FSTL5: variants seen among roughly 807,000 people sequenced by gnomAD.
The protein encoded by FSTL5 is follistatin like 5, also known as follistatin-related protein 5.
Under a neutral mutation model 89.1 loss-of-function variants are expected in FSTL5, and 62 were observed. That is an observed-to-expected ratio of 0.70 (90% CI 0.57 to 0.86). FSTL5 has a LOEUF of 0.86. Among genes scored for constraint, FSTL5 ranks in the 40% least tolerant of loss-of-function variants. The probability of loss-of-function intolerance (pLI) is 0.00; values close to 1 mark genes in which losing one functional copy is unlikely to be tolerated. For synonymous variants in FSTL5, 383 were observed against 346.2 expected (o/e 1.11, Z -1.18); for missense variants, 1,057 against 1,001.6 (o/e 1.06, Z -0.75).
rs542100574 is a variant in FSTL5, at chr4:161,507,762, A to G, written c.1339+2636T>C. ...ATTCAGTTAAATTTATTTAGATTAT[A>G]AACTCTTCACTAGATTCTGATGCTC... On this transcript the variant is annotated intron_variant, in intron 11 of 15. Coordinates refer to ENST00000306100, the MANE Select transcript of FSTL5 (RefSeq NM_020116.5). Among the ~76,000 whole-genome samples, 6 of 152,032 alleles carry G rather than the reference A, an allele frequency of 3.9e-5. No individual in the cohort carries two copies. In the South Asian group the frequency reaches 1.2e-3, roughly 31 times the overall value.
chr4:161,491,055 C>A (rs1411845557), intron 12 of FSTL5, among the ~76,000 whole-genome samples: 1 of 151,774 alleles, frequency 6.6e-6, no homozygotes, highest in African/African-American at 2.4e-5. Context: ...ACATTTATAA[C>A]TATATATTTA....
At chr4:162,098,818 C>T (rs1442581628) in intron 2 of FSTL5, among the ~76,000 whole-genome samples, 1 of 151,982 alleles carries the variant, frequency 6.6e-6, no homozygotes, top group African/African-American at 2.4e-5. Context: ...GCAATACAAT[C>T]GAGCAAAGAT....
At chr4:161,486,186 G>A (rs1309949817) in intron 12 of FSTL5, among the ~76,000 whole-genome samples, 2 of 150,598 alleles carry the variant, frequency 1.3e-5, no homozygotes, top group African/African-American at 4.9e-5. Flanking sequence ...GGTTCTCTGC[G>A]TAATTTGGAT....
chr4:161,837,273 C>G lies in FSTL5; in HGVS notation c.410-61199G>C, dbSNP rs359124. On this transcript the variant is annotated intron_variant, in intron 4 of 15. Transcript: ENST00000306100. ...AAACAATTAAAGAGAAAGAAGAGTCCATGAAATTGACTAACAAGAAATAGG... is the reference window on the plus strand; with the variant it reads ...AAACAATTAAAGAGAAAGAAGAGTCGATGAAATTGACTAACAAGAAATAGG... 2.4e-3 allele frequency among the ~76,000 whole-genome samples: 364 copies of G among 151,756 alleles called. 1 individual carries two copies. The highest frequency in any genetic ancestry group is 8.3e-3 in the African/African-American group (345 of 41,332).
chr4:161,699,388 T>C (rs1191379546), intron 6 of FSTL5, among the ~76,000 whole-genome samples: 14 of 152,316 alleles, frequency 9.2e-5, no homozygotes, highest in Middle Eastern at 3.4e-3. Context: ...CTTTCACTAG[T>C]CACATGGGTT....
chr4:162,108,660 AAATT>A (rs1731320772), intron 2 of FSTL5, among the ~76,000 whole-genome samples: 1 of 151,882 alleles, frequency 6.6e-6, no homozygotes, highest in South Asian at 2.1e-4. Flanking sequence ...GAATAAGAGA[AAATT>A]AATTTGTATG....
intron 6 of FSTL5, among the ~76,000 whole-genome samples, chr4:161,721,937 CA>C (rs1308413673): frequency 3.3e-5 from 5 of 151,462 alleles, no homozygotes; most frequent in Admixed American, 1.3e-4. Context: ...AGCCAGAGGT[CA>C]AAGTAATTGA....
intron 7 of FSTL5, among the ~76,000 whole-genome samples, chr4:161,589,243 G>A (rs371130279): frequency 3.3e-4 from 50 of 151,952 alleles, no homozygotes; most frequent in Admixed American, 5.3e-4. Flanking sequence ...GCATGACCTC[G>A]TCTCACTGCA....
At chr4:161,484,494 AAC>A (rs1729614299) in intron 12 of FSTL5, among the ~76,000 whole-genome samples, 1 of 152,176 alleles carries the variant, frequency 6.6e-6, no homozygotes, top group African/African-American at 2.4e-5. Context: ...CACTTCATAA[AAC>A]AGTTTCAATT....
intron 8 of FSTL5, among the ~76,000 whole-genome samples, chr4:161,584,433 C>A (rs749369462): frequency 2.6e-5 from 4 of 152,124 alleles, no homozygotes; most frequent in Non-Finnish European, 5.9e-5. Context: ...CTATAATTAT[C>A]CTTTTGGTCT....
chr4:161,497,674 A>G (rs1325649310), intron 12 of FSTL5, among the ~76,000 whole-genome samples: 2 of 152,002 alleles, frequency 1.3e-5, no homozygotes, highest in Non-Finnish European at 2.9e-5. Flanking sequence ...ATGTTGAAGT[A>G]TATGTTTCTA....
chr4:161,855,003 GT>G (rs1221548568), intron 4 of FSTL5, among the ~76,000 whole-genome samples: 204 of 16,132 alleles, frequency 0.013, 1 homozygote, highest in Middle Eastern at 0.029. Flanking sequence ...TGGTTGAGAG[GT>G]TTTTTTTTTT....
chr4:161,998,469 C>A (rs76224182), intron 3 of FSTL5, among the ~76,000 whole-genome samples: 5,927 of 152,184 alleles, frequency 0.039, 146 homozygotes, highest in Non-Finnish European at 0.062. Context: ...TTTAGGAAGA[C>A]TCTCCTGTAA....
intron 7 of FSTL5, among the ~76,000 whole-genome samples, chr4:161,587,975 A>T (rs981362767): frequency 6.6e-6 from 1 of 152,124 alleles, no homozygotes; most frequent in African/African-American, 2.4e-5. Flanking sequence ...GGAGTTCAAG[A>T]CCAGCCTGGC....
chr4:161,583,106 G>A (rs763541306), intron 8 of FSTL5, among the ~76,000 whole-genome samples: 3 of 152,156 alleles, frequency 2.0e-5, no homozygotes, highest in Non-Finnish European at 4.4e-5. Flanking sequence ...GGAGGCTGAG[G>A]CAGAGAATTG....
intron 8 of FSTL5, among the ~76,000 whole-genome samples, chr4:161,545,338 T>C (rs890502368): frequency 6.6e-6 from 1 of 152,050 alleles, no homozygotes; most frequent in Non-Finnish European, 1.5e-5. Context: ...CCCATGTATA[T>C]ACACATATGC....
chr4:161,452,125 T>C (rs929455727), intron 15 of FSTL5, among the ~76,000 whole-genome samples: 1 of 152,158 alleles, frequency 6.6e-6, no homozygotes, highest in African/African-American at 2.4e-5. Flanking sequence ...AAAACACAAT[T>C]CATAACGATT....
intron 4 of FSTL5, among the ~76,000 whole-genome samples, chr4:161,799,569 T>C (rs1042126812): frequency 3.3e-5 from 5 of 151,734 alleles, no homozygotes; most frequent in African/African-American, 1.2e-4. Flanking sequence ...TAGTCTGTAT[T>C]TTAAAGTACT....
At chr4:162,053,960 A>G (rs936442233) in intron 2 of FSTL5, among the ~76,000 whole-genome samples, 7 of 151,914 alleles carry the variant, frequency 4.6e-5, no homozygotes, top group African/African-American at 1.7e-4. Context: ...ATCTCATTTG[A>G]TGAATCTGGT....
Sources: gnomAD v4.1 joint callset for allele counts (sites outside exome capture counted in the v4.1 genomes callset) on GRCh38, gnomAD v4.1.1 for gene constraint, MANE v1.5 for transcripts, NCBI Gene and HGNC (gene_info 2026-07-23, HGNC 2026-07-21) for gene names.